The following BCL2 variants were observed in gnomAD, a reference collection of about 807,000 sequenced individuals.
The protein encoded by BCL2 is BCL2 apoptosis regulator.
A neutral mutation model predicts 14.2 loss-of-function variants in BCL2; 1 was observed. That is an observed-to-expected ratio of 0.07 (90% confidence interval 0.02 to 0.33). The LOEUF is 0.33. BCL2 is among the 10% of genes least tolerant of loss of function. The probability of loss-of-function intolerance (pLI) is 0.99; values close to 1 mark genes in which losing one functional copy is unlikely to be tolerated. For synonymous variants in BCL2, 151 were observed against 137.2 expected (o/e 1.10, Z -0.70); for missense variants, 247 against 305.9 (o/e 0.81, Z 1.44).
rs569047441 is a variant in BCL2, at chr18:63,131,280, T to C, written c.586-2521A>G. Among the ~76,000 whole-genome samples, 9 of 152,380 alleles carry C rather than the reference T, an allele frequency of 5.9e-5. No homozygotes were observed. In the South Asian group the frequency reaches 1.7e-3, roughly 28 times the overall value. On this transcript the variant is annotated intron_variant, in intron 2 of 2. Transcript: ENST00000333681. ...GGGCCTTCTGCATCTTTGGAGGTCC[T>C]TGGTTAACTTTTACCAGGAGAGGGC...
chr18:63,130,098 C>T (rs777392773), intron 2 of BCL2, among the ~76,000 whole-genome samples: 6 of 152,200 alleles, frequency 3.9e-5, no homozygotes, highest in Non-Finnish European at 7.3e-5. Flanking sequence ...TCACCAATTG[C>T]TCATTTCCTA....
intron 2 of BCL2, among the ~76,000 whole-genome samples, chr18:63,209,711 A>G (rs1909947551): frequency 6.6e-6 from 1 of 152,070 alleles, no homozygotes; most frequent in South Asian, 2.1e-4. Flanking sequence ...GATTAGAGAG[A>G]GTAGGTGAGA....
At chr18:63,193,000 C>T (rs1286822027) in intron 2 of BCL2, among the ~76,000 whole-genome samples, 2 of 152,198 alleles carry the variant, frequency 1.3e-5, no homozygotes, top group African/African-American at 4.8e-5. Context: ...CCAAATAACA[C>T]CCCGTGATGA....
chr18:63,252,696 G>A (rs867762940), intron 2 of BCL2, among the ~76,000 whole-genome samples: 3 of 152,176 alleles, frequency 2.0e-5, no homozygotes, highest in East Asian at 1.9e-4. Flanking sequence ...ACCATCCACC[G>A]TGATTGTGAG....
chr18:63,279,690 GAATA>G (rs1192027662), intron 2 of BCL2, among the ~76,000 whole-genome samples: 1 of 152,214 alleles, frequency 6.6e-6, no homozygotes, highest in Non-Finnish European at 1.5e-5. Context: ...ACAACAGGAT[GAATA>G]AATACAGTGG....
intron 2 of BCL2, among the ~76,000 whole-genome samples, chr18:63,169,371 CT>C (rs1915158895): frequency 2.8e-5 from 1 of 35,920 alleles, no homozygotes; most frequent in Admixed American, 3.0e-4. Context: ...CTTTCTTTCT[CT>C]TTCTTTCTTT....
intron 2 of BCL2, among the ~76,000 whole-genome samples, chr18:63,247,673 G>A (rs150436734): frequency 6.6e-6 from 1 of 152,066 alleles, no homozygotes; most frequent in Admixed American, 6.5e-5. Flanking sequence ...GTCCTGAATG[G>A]TGTCATCACC....
intron 2 of BCL2, among the ~76,000 whole-genome samples, chr18:63,199,610 C>T (rs190595909): frequency 1.4e-4 from 21 of 151,788 alleles, no homozygotes; most frequent in African/African-American, 5.1e-4. Flanking sequence ...ACACATACAA[C>T]ACATGCACAG....
At chr18:63,161,650 G>T (rs1914924329) in intron 2 of BCL2, among the ~76,000 whole-genome samples, 1 of 152,192 alleles carries the variant, frequency 6.6e-6, no homozygotes, top group African/African-American at 2.4e-5. Context: ...GACTGTAAGA[G>T]AAAGTCTAGC....
chr18:63,176,816 A>C (rs1915360476), intron 2 of BCL2, among the ~76,000 whole-genome samples: 1 of 152,200 alleles, frequency 6.6e-6, no homozygotes, highest in Admixed American at 6.5e-5. Context: ...GCTATTAAAC[A>C]CAATAACTTA....
chr18:63,308,406 G>A (rs1913207128), intron 2 of BCL2, among the ~76,000 whole-genome samples: 1 of 152,214 alleles, frequency 6.6e-6, no homozygotes, highest in South Asian at 2.1e-4. Context: ...TTTCTATAAT[G>A]ATGGGGTGAT....
At chr18:63,278,893 A>G (rs56861289) in intron 2 of BCL2, among the ~76,000 whole-genome samples, 23,193 of 152,158 alleles carry the variant, frequency 0.15, 1,952 homozygotes, top group Admixed American at 0.22. Flanking sequence ...ACACATATAC[A>G]GACACCTAAG....
chr18:63,309,643 C>T lies in BCL2; in HGVS notation c.585+8439G>A, dbSNP rs112809103. Among the ~76,000 whole-genome samples the T allele has an allele frequency of 2.8e-4, 43 of 152,232 alleles. 1 individual carries two copies. Among genetic ancestry groups the T allele is most frequent in the African/African-American group, 1.0e-3 (42 of 41,528 alleles). ...TCCAGGCTCAGTCACTGTCAATCTT[C>T]CTCCCACGCACACATCCTGCCTTGT... On this transcript the variant is annotated intron_variant, in intron 2 of 2. Coordinates refer to ENST00000333681, the MANE Select transcript of BCL2 (RefSeq NM_000633.3).
intron 2 of BCL2, among the ~76,000 whole-genome samples, chr18:63,161,510 G>A (rs1460229914): frequency 1.3e-5 from 2 of 152,020 alleles, no homozygotes; most frequent in Non-Finnish European, 2.9e-5. Context: ...AAGCTCCCTC[G>A]CCCCTCCCCA....
intron 2 of BCL2, among the ~76,000 whole-genome samples, chr18:63,277,581 T>C (rs1324013209): frequency 6.7e-6 from 1 of 149,704 alleles, no homozygotes; most frequent in African/African-American, 2.5e-5. Flanking sequence ...GTCCTTTTTT[T>C]TTTTTTTTTT....
chr18:63,133,182 G>A (rs562129419), intron 2 of BCL2, among the ~76,000 whole-genome samples: 2 of 152,308 alleles, frequency 1.3e-5, no homozygotes, highest in East Asian at 3.9e-4. Context: ...AGGCCAGGTA[G>A]GTGTGGACGG....
intron 2 of BCL2, among the ~76,000 whole-genome samples, chr18:63,273,017 GAA>G (rs59800965): frequency 3.6e-5 from 4 of 109,636 alleles, no homozygotes; most frequent in Non-Finnish European, 2.0e-5. Context: ...GACAGAGATT[GAA>G]AAAAAAAAAA....
At chr18:63,170,540 C>T (rs1915197544) in intron 2 of BCL2, among the ~76,000 whole-genome samples, 1 of 152,156 alleles carries the variant, frequency 6.6e-6, no homozygotes, top group Admixed American at 6.6e-5. Flanking sequence ...AAAGACCCAA[C>T]CCCAGGTCAG....
At chr18:63,169,303 TCTTTCTTCCTTC>T (rs1302375989) in intron 2 of BCL2, among the ~76,000 whole-genome samples, 5 of 76,586 alleles carry the variant, frequency 6.5e-5, no homozygotes, top group African/African-American at 6.4e-5. Context: ...TTTCTTTCTT[TCTTTCTTCCTTC>T]CTTCCTTCTT....
Sources: gnomAD v4.1 joint callset for allele counts (sites outside exome capture counted in the v4.1 genomes callset) on GRCh38, gnomAD v4.1.1 for gene constraint, MANE v1.5 for transcripts, NCBI Gene and HGNC (gene_info 2026-07-23, HGNC 2026-07-21) for gene names.